Variants in LINGO2 observed in about 807,000 individuals in gnomAD.
LINGO2 encodes leucine rich repeat and Ig domain containing 2.
LINGO2 carries 14 observed loss-of-function variants against 30.6 expected under a neutral mutation model. The observed-to-expected ratio is 0.46, with a 90% CI of 0.30 to 0.72. The LOEUF is 0.72. Among genes scored for constraint, LINGO2 ranks in the 30% least tolerant of loss-of-function variants. The pLI is 0.07. For missense variants in LINGO2, 729 were observed against 751.7 expected (o/e 0.97, Z 0.35); for synonymous variants, 317 against 288.5 (o/e 1.10, Z -1.00).
At chr9:28,383,888 T>A (rs928174395) in intron 2 of LINGO2, among the ~76,000 whole-genome samples, 12 of 152,026 alleles carry the variant, frequency 7.9e-5, no homozygotes, top group African/African-American at 2.9e-4. Flanking sequence ...AGTGCTTAGG[T>A]TTGCATAGAA....
At chr9:27,977,394 A>T (rs181104354) in intron 5 of LINGO2, among the ~76,000 whole-genome samples, 1 of 152,042 alleles carries the variant, frequency 6.6e-6, no homozygotes, top group East Asian at 1.9e-4. Context: ...AGGGCACTAA[A>T]GAGTGTGTGT....
At chr9:29,064,078 AT>A in the LINGO2 span, among the ~76,000 whole-genome samples, 1 of 152,032 alleles carries the variant, frequency 6.6e-6, no homozygotes, top group South Asian at 2.1e-4. Context: ...GAACATCTAT[AT>A]TTTTTTGCTA....
At chr9:28,434,601 C>T (rs992250862) in intron 2 of LINGO2, among the ~76,000 whole-genome samples, 1 of 151,258 alleles carries the variant, frequency 6.6e-6, no homozygotes. Context: ...TAATTGGCTT[C>T]TATCAAACCA....
the LINGO2 span, among the ~76,000 whole-genome samples, chr9:28,772,984 G>C: frequency 6.6e-6 from 1 of 152,152 alleles, no homozygotes; most frequent in Non-Finnish European, 1.5e-5. Flanking sequence ...TGCCTTGAGA[G>C]ATGGAGTGAG....
the LINGO2 span, among the ~76,000 whole-genome samples, chr9:29,034,218 T>A: frequency 0.16 from 24,403 of 152,164 alleles, 2,186 homozygotes; most frequent in South Asian, 0.21. Flanking sequence ...TTAATAAGTA[T>A]ATATAAACAC....
At chr9:28,605,566 G>A (rs968211828) in intron 1 of LINGO2, among the ~76,000 whole-genome samples, 7 of 151,936 alleles carry the variant, frequency 4.6e-5, no homozygotes, top group Non-Finnish European at 7.4e-5. Context: ...TCAGGCCTCC[G>A]AGTTCTCATC....
the LINGO2 span, among the ~76,000 whole-genome samples, chr9:28,877,435 G>A: frequency 6.6e-6 from 1 of 152,104 alleles, no homozygotes; most frequent in East Asian, 1.9e-4. Flanking sequence ...TGTATAAGGT[G>A]TCAGGAAGGG....
chr9:29,059,942 A>G, the LINGO2 span, among the ~76,000 whole-genome samples: 1 of 152,096 alleles, frequency 6.6e-6, no homozygotes, highest in African/African-American at 2.4e-5. Context: ...ATGGCAGGGT[A>G]AGCCCACTAC....
the LINGO2 span, among the ~76,000 whole-genome samples, chr9:28,914,346 GT>G: frequency 6.6e-6 from 1 of 152,114 alleles, no homozygotes; most frequent in Non-Finnish European, 1.5e-5. Context: ...TTAAAGTAAG[GT>G]TATGGACTTT....
chr9:28,524,346 T>A (rs905686006), intron 1 of LINGO2, among the ~76,000 whole-genome samples: 8 of 152,196 alleles, frequency 5.3e-5, no homozygotes, highest in African/African-American at 1.9e-4. Flanking sequence ...TGTTTGTAAC[T>A]TAATTAGGCA....
intron 1 of LINGO2, among the ~76,000 whole-genome samples, chr9:28,651,562 C>T (rs1034002269): frequency 6.6e-6 from 1 of 152,070 alleles, no homozygotes; most frequent in African/African-American, 2.4e-5. Context: ...TCTAACTCAT[C>T]AGGTTTCACC....
chr9:28,540,421 C>A lies in LINGO2; in HGVS notation c.-364-64396G>T, dbSNP rs183344106. ...GACTACAGGAAGGTGCCACCACGTCCGACTAATTTTTGTATTTTTTTGTAG... is the reference window on the plus strand; with the variant it reads ...GACTACAGGAAGGTGCCACCACGTCAGACTAATTTTTGTATTTTTTTGTAG... On this transcript the variant is annotated intron_variant, in intron 1 of 5. Coordinates refer to ENST00000379992, the Ensembl canonical transcript of LINGO2. Among the ~76,000 whole-genome samples, 165 of 151,948 alleles carry A rather than the reference C, an allele frequency of 1.1e-3. 3 individuals carry two copies. The highest frequency in any genetic ancestry group is 0.01 in the Admixed American group (154 of 15,236).
At chr9:28,431,064 G>C (rs920613543) in intron 2 of LINGO2, among the ~76,000 whole-genome samples, 1 of 132,628 alleles carries the variant, frequency 7.5e-6, no homozygotes, top group African/African-American at 2.6e-5. Flanking sequence ...GAGAGAGAGA[G>C]AGAGAGAAAC....
At chr9:28,883,628 GTATATATATA>G in the LINGO2 span, among the ~76,000 whole-genome samples, 1,294 of 64,160 alleles carry the variant, frequency 0.02, 151 homozygotes, top group Middle Eastern at 0.092. Flanking sequence ...ATGTGTGTGT[GTATATATATA>G]TATATATATA....
At chr9:28,345,439 C>T (rs1292860633) in intron 3 of LINGO2, among the ~76,000 whole-genome samples, 1 of 152,028 alleles carries the variant, frequency 6.6e-6, no homozygotes, top group African/African-American at 2.4e-5. Context: ...GCTAGAACGC[C>T]AGAATGACCT....
the LINGO2 span, among the ~76,000 whole-genome samples, chr9:28,976,238 G>A: frequency 6.6e-6 from 1 of 152,008 alleles, no homozygotes; most frequent in East Asian, 1.9e-4. Context: ...ATTCCTTCAA[G>A]CATACCTGAG....
intron 1 of LINGO2, among the ~76,000 whole-genome samples, chr9:28,498,270 G>T (rs868527555): frequency 1.3e-5 from 2 of 152,192 alleles, no homozygotes; most frequent in Non-Finnish European, 2.9e-5. Flanking sequence ...AGTCTACAGA[G>T]GCAGGCAGGC....
intron 1 of LINGO2, among the ~76,000 whole-genome samples, chr9:28,635,136 G>C (rs1022907914): frequency 6.6e-6 from 1 of 152,156 alleles, no homozygotes; most frequent in South Asian, 2.1e-4. Flanking sequence ...ATTCACTCTT[G>C]AAACTTTCAG....
At chr9:28,681,595 G>T in the LINGO2 span, among the ~76,000 whole-genome samples, 1 of 152,204 alleles carries the variant, frequency 6.6e-6, no homozygotes, top group African/African-American at 2.4e-5. Flanking sequence ...AAGAAGAAAA[G>T]GGACAGCTGG....
Sources: gnomAD v4.1 joint callset for allele counts (sites outside exome capture counted in the v4.1 genomes callset) on GRCh38, gnomAD v4.1.1 for gene constraint, MANE v1.5 for transcripts, NCBI Gene and HGNC (gene_info 2026-07-23, HGNC 2026-07-21) for gene names.